The following LSMEM2 variants were observed in gnomAD, a reference collection of about 807,000 sequenced individuals.
LSMEM2 encodes leucine rich single-pass membrane protein 2.
Under a neutral mutation model 17.3 loss-of-function variants are expected in LSMEM2, and 20 were observed. The observed-to-expected ratio is 1.16, with a 90% CI of 0.81 to 1.68. The LOEUF is 1.68. LSMEM2 is among the 40% of genes most tolerant of loss of function. The pLI, the probability that LSMEM2 is intolerant of heterozygous loss-of-function variation, is 0.00. For missense variants in LSMEM2, 207 were observed against 214.3 expected (o/e 0.97, Z 0.21); for synonymous variants, 94 against 97.8 (o/e 0.96, Z 0.23).
At chr3:50,286,442 G>A in intron 1 of LSMEM2, 29 bp from the exon 2 acceptor site, 6 of 1,566,334 alleles carry the variant, frequency 3.8e-6, no homozygotes, top group Non-Finnish European at 5.2e-6. Context: ...ACCCACCACT[G>A]GCTAAATCAG....
Position 50,280,315 on chromosome 3 carries a change from C to T in LSMEM2, c.58+1144C>T, listed in dbSNP as rs111663903. On this transcript the variant is annotated intron_variant, in intron 1 of 3. Coordinates refer to ENST00000316436, the MANE Select transcript of LSMEM2 (RefSeq NM_153215.3). The stretch of plus-strand genomic sequence containing the variant: ...GATTACAGGCATGTGCTACCATGCC[C>T]GGCTAATTTTTGTATTTTTAGTAGA... 1.3e-3 allele frequency among the ~76,000 whole-genome samples: 192 copies of T among 151,144 alleles called. 3 individuals are homozygous for T. The highest frequency in any genetic ancestry group is 4.4e-3 in the African/African-American group (183 of 41,138).
At chr3:50,287,026 G>A (rs782527037) in intron 3 of LSMEM2, 43 bp from the exon 4 acceptor site, 22 of 1,610,190 alleles carry the variant, frequency 1.4e-5, no homozygotes, top group South Asian at 5.5e-5. Flanking sequence ...CAGGGGTCAC[G>A]GGGTGGCACA....
rs6788132 is a variant in LSMEM2, at chr3:50,279,643, G to T, written c.58+472G>T. Among the ~76,000 whole-genome samples the T allele has an allele frequency of 2.7e-3, 415 of 152,320 alleles. 1 individual carries two copies. Among genetic ancestry groups the T allele is most frequent in the African/African-American group, 9.5e-3 (394 of 41,560 alleles). On this transcript the variant is annotated intron_variant, in intron 1 of 3. Coordinates refer to ENST00000316436, the MANE Select transcript of LSMEM2 (RefSeq NM_153215.3). ...TATCCCCAACTGCCTAGGGTTGGGG[G>T]TCCCTTGGCCTGGTCAGACAGAGAC...
At chr3:50,280,069 T>C (rs1431765929) in intron 1 of LSMEM2, among the ~76,000 whole-genome samples, 5 of 150,662 alleles carry the variant, frequency 3.3e-5, no homozygotes, top group Non-Finnish European at 7.4e-5. Flanking sequence ...GAGACGGGGG[T>C]TCACCATCTT....
chr3:50,281,120 A>G (rs1553707715), intron 1 of LSMEM2, among the ~76,000 whole-genome samples: 1 of 150,772 alleles, frequency 6.6e-6, no homozygotes, highest in African/African-American at 2.4e-5. Flanking sequence ...CAGTGGCACG[A>G]TCTTGGCTCA....
chr3:50,283,223 G>T (rs1028467076), intron 1 of LSMEM2, among the ~76,000 whole-genome samples: 24 of 152,078 alleles, frequency 1.6e-4, no homozygotes, highest in African/African-American at 5.8e-4. Flanking sequence ...TGGGTGCGAT[G>T]GCTCACGCCT....
At chr3:50,281,637 A>G (rs1440007615) in intron 1 of LSMEM2, among the ~76,000 whole-genome samples, 1 of 145,532 alleles carries the variant, frequency 6.9e-6, no homozygotes, top group Non-Finnish European at 1.5e-5. Flanking sequence ...TGCTGGGATT[A>G]TAGGTGTGAG....
chr3:50,282,297 G>A (rs1450629947), intron 1 of LSMEM2, among the ~76,000 whole-genome samples: 2 of 152,186 alleles, frequency 1.3e-5, no homozygotes, highest in Admixed American at 1.3e-4. Context: ...CCCAAAGAGA[G>A]AATTTAATAT....
In LSMEM2 at chr3:50,287,608, A is replaced by G; in HGVS notation, c.*406A>G. The stretch of plus-strand genomic sequence containing the variant: ...GCTCTTAAAGACAGGCTGGGCTCTG[A>G]GTAGGGGGAGAGGCACCACCTGGGG... On this transcript the variant is annotated 3_prime_UTR_variant, in exon 4 of 4. Coordinates refer to ENST00000316436, the MANE Select transcript of LSMEM2 (RefSeq NM_153215.3). The G allele has an allele frequency of 4.0e-6, 1 of 252,834 alleles. No homozygotes were observed. Among genetic ancestry groups the G allele is most frequent in the Non-Finnish European group, 7.8e-6 (1 of 128,292 alleles). The allele number at this position is 252,834 out of a possible 1,614,324, so 15.7% of individuals were successfully genotyped here. A position where few individuals can be genotyped will look rare whatever the true frequency, so the allele number is the denominator to read the frequency against.
chr3:50,286,027 TAAC>T (rs1701512521), intron 1 of LSMEM2, among the ~76,000 whole-genome samples: 1 of 152,172 alleles, frequency 6.6e-6, no homozygotes, highest in South Asian at 2.1e-4. Context: ...CTGAGTATGT[TAAC>T]AAACACAGAA....
At chr3:50,283,730 C>T (rs977855580) in intron 1 of LSMEM2, among the ~76,000 whole-genome samples, 4 of 151,942 alleles carry the variant, frequency 2.6e-5, no homozygotes, top group Non-Finnish European at 4.4e-5. Context: ...ACCCGGGAGG[C>T]GGAGGTTGCA....
rs1553708866 is a variant in LSMEM2 at position 50,288,089 on chromosome 3, A to AAAAT, written c.*891_*894dup. ...TCTGTTTTTGGTTTTGTCATTAAAAAAAATAAAGTGACAAATACTGGTGGA... is the reference window on the plus strand; with the variant it reads ...TCTGTTTTTGGTTTTGTCATTAAAAAAAATAAATAAAGTGACAAATACTGGTGGA... On this transcript the variant is annotated 3_prime_UTR_variant, in exon 4 of 4. Coordinates refer to ENST00000316436, the MANE Select transcript of LSMEM2 (RefSeq NM_153215.3). 2.6e-6 allele frequency: 3 copies of AAAAT among 1,132,628 alleles called. No individual in the cohort carries two copies. The highest frequency in any genetic ancestry group is 2.6e-6 in the Non-Finnish European group (2 of 773,922). 70.2% of individuals were successfully genotyped at this position (1,132,628 alleles called of 1,614,324 possible).
chr3:50,284,070 G>A (rs1365289445), intron 1 of LSMEM2, among the ~76,000 whole-genome samples: 1 of 151,976 alleles, frequency 6.6e-6, no homozygotes, highest in Non-Finnish European at 1.5e-5. Flanking sequence ...GCCAGGCATG[G>A]TGGCAGGTGC....
intron 1 of LSMEM2, among the ~76,000 whole-genome samples, chr3:50,284,934 G>A (rs1280213162): frequency 1.3e-5 from 2 of 152,084 alleles, no homozygotes; most frequent in Non-Finnish European, 2.9e-5. Context: ...TACTTGGGAG[G>A]CTGAAACAGG....
upstream of LSMEM2, among the ~76,000 whole-genome samples, chr3:50,278,211 CCA>C (rs1273185180): frequency 6.6e-6 from 1 of 152,156 alleles, no homozygotes; most frequent in Non-Finnish European, 1.5e-5. Flanking sequence ...GAAGTAGAGC[CCA>C]CAGTCTTGCT....
chr3:50,277,915 C>T (rs367948238), upstream of LSMEM2, among the ~76,000 whole-genome samples: 43 of 152,216 alleles, frequency 2.8e-4, no homozygotes, highest in African/African-American at 9.6e-4. Flanking sequence ...TGCAGTGAGC[C>T]GAGATCGCCC....
chr3:50,278,955 T>C (rs1553707433), upstream of LSMEM2: 2 of 722,264 alleles, frequency 2.8e-6, no homozygotes, highest in Admixed American at 2.5e-5. Context: ...CTGGCCCACG[T>C]GGATCACTCT....
chr3:50,285,945 C>T (rs141877203), intron 1 of LSMEM2, among the ~76,000 whole-genome samples: 1 of 151,914 alleles, frequency 6.6e-6, no homozygotes, highest in East Asian at 1.9e-4. Flanking sequence ...AACAGTATAA[C>T]AAAGAAGGGT....
upstream of LSMEM2, among the ~76,000 whole-genome samples, chr3:50,278,869 C>T (rs1009128333): frequency 2.0e-5 from 3 of 152,270 alleles, no homozygotes; most frequent in South Asian, 6.2e-4. Flanking sequence ...GTGTGCTTCC[C>T]CTTGAAGGTC....
Sources: gnomAD v4.1 joint callset for allele counts (sites outside exome capture counted in the v4.1 genomes callset) on GRCh38, gnomAD v4.1.1 for gene constraint, MANE v1.5 for transcripts, NCBI Gene and HGNC (gene_info 2026-07-23, HGNC 2026-07-21) for gene names.